GLG1: variants seen among roughly 807,000 people sequenced by gnomAD.
GLG1 encodes the protein golgi glycoprotein 1.
In GLG1, 38 loss-of-function variants were observed where a neutral mutation model predicts 160.5. The ratio of observed to expected loss-of-function variants is 0.24; its 90% CI spans 0.18 to 0.31. GLG1 has a LOEUF of 0.31. GLG1 is among the 10% of genes least tolerant of loss of function. The pLI, the probability that GLG1 is intolerant of heterozygous loss-of-function variation, is 1.00. For missense variants in GLG1, 1,373 were observed against 1,505.2 expected, an observed-to-expected ratio of 0.91 and a Z score of 1.45; for synonymous variants, 644 against 543.4, an observed-to-expected ratio of 1.19 and a Z score of -2.57.
chr16:74,495,970 G>C (rs1365480336), intron 5 of GLG1, among the ~76,000 whole-genome samples: 2 of 152,062 alleles, frequency 1.3e-5, no homozygotes, highest in Non-Finnish European at 2.9e-5. Context: ...TTAGAATAGA[G>C]TATTAAAAAA....
At chr16:74,576,605 G>A (rs1189289170) in intron 1 of GLG1, among the ~76,000 whole-genome samples, 1 of 152,138 alleles carries the variant, frequency 6.6e-6, no homozygotes, top group Non-Finnish European at 1.5e-5. Context: ...TTGTGGGGCT[G>A]GATCTGTCCC....
chr16:74,542,760 A>AGGAAGGAAGGAAGGAAGGGAAG (rs2017929404), intron 1 of GLG1, among the ~76,000 whole-genome samples: 1 of 51,522 alleles, frequency 1.9e-5, no homozygotes, highest in African/African-American at 6.3e-5. Flanking sequence ...GAAGGAAGGA[A>AGGAAGGAAGGAAGGAAGGGAAG]GGAAGGAAGG....
chr16:74,560,632 G>A (rs1016419495), intron 1 of GLG1, among the ~76,000 whole-genome samples: 10 of 152,128 alleles, frequency 6.6e-5, no homozygotes, highest in Non-Finnish European at 1.3e-4. Flanking sequence ...GAGCCACTGC[G>A]CCTAGCCCTA....
In GLG1 at chr16:74,468,853, G is replaced by A. The variant is rs190796123; in HGVS notation, c.2436+93C>T. 4.0e-5 allele frequency: 31 copies of A among 775,390 alleles called. No individual in the cohort carries two copies. The Admixed American group carries it at 4.7e-4, about 12-fold the overall frequency. The allele number at this position is 775,390 out of a possible 1,614,324, so 48.0% of individuals were successfully genotyped here. On this transcript the variant is annotated intron_variant, in intron 17 of 25. Coordinates refer to ENST00000422840, the MANE Select transcript of GLG1 (RefSeq NM_001145667.2). ...TTCAAGTCTTAACCATCACAGTAGT[G>A]GATAAAATGCCTCCCCCTTGCCCTA...
intron 18 of GLG1, among the ~76,000 whole-genome samples, chr16:74,466,775 G>C (rs2015015125): frequency 1.3e-5 from 2 of 152,196 alleles, no homozygotes; most frequent in Admixed American, 6.5e-5. Context: ...GGAGCAGAAT[G>C]GACAAAGCTG....
intron 1 of GLG1, among the ~76,000 whole-genome samples, chr16:74,592,651 C>T (rs1364868638): frequency 3.3e-5 from 5 of 152,140 alleles, no homozygotes; most frequent in Non-Finnish European, 7.3e-5. Context: ...ATTTGCCCAA[C>T]ATCATAATAA....
Position 74,508,911 on chromosome 16 carries a change from A to G in GLG1, c.486T>C (p.Tyr162=), listed in dbSNP as rs1251860077. ...TGGGATCTGTAGTTAGGTTCAGCTT[A>G]TAATTCCACAACAACTAGATAGGAG... The part of the protein sequence containing the change: ...SSDCNHLLWN[Y]KLNLTTDPKF... Residue 162 remains tyrosine (Y), a synonymous_variant, in exon 3 of 26, where the codon TAT becomes TAC. Transcript: ENST00000422840. 20 of 1,440,894 alleles carry G rather than the reference A, an allele frequency of 1.4e-5. No individual in the cohort carries two copies. The highest frequency in any genetic ancestry group is 1.9e-5 in the Non-Finnish European group (19 of 1,024,382). 89.3% of individuals were successfully genotyped at this position (1,440,894 alleles called of 1,614,324 possible). A position where few individuals can be genotyped will look rare whatever the true frequency, so the allele number is the denominator to read the frequency against.
At chr16:74,542,346 G>T (rs2017893350) in intron 1 of GLG1, among the ~76,000 whole-genome samples, 1 of 151,754 alleles carries the variant, frequency 6.6e-6, no homozygotes, top group Non-Finnish European at 1.5e-5. Flanking sequence ...TGTCAAATCA[G>T]TAGCTACTAT....
intron 25 of GLG1, among the ~76,000 whole-genome samples, chr16:74,455,893 G>A (rs780062338): frequency 7.2e-5 from 11 of 152,118 alleles, no homozygotes; most frequent in African/African-American, 9.7e-5. Context: ...CCACCAAAGC[G>A]TTATGTAAAC....
chr16:74,491,322 C>G (rs1438407293), intron 7 of GLG1, 107 bp from the exon 8 acceptor site: 1 of 803,982 alleles, frequency 1.2e-6, no homozygotes, highest in Non-Finnish European at 2.1e-6. Flanking sequence ...TACAATATAC[C>G]TATCAGACAT....
At chr16:74,469,584 T>C (rs2015123964) in intron 16 of GLG1, 1 of 194,056 alleles carries the variant, frequency 5.2e-6, no homozygotes, top group South Asian at 1.3e-4. Context: ...AAAGATTCTG[T>C]TTCTTCACTA....
At chr16:74,581,924 A>G (rs1340306507) in intron 1 of GLG1, among the ~76,000 whole-genome samples, 1 of 152,250 alleles carries the variant, frequency 6.6e-6, no homozygotes, top group Non-Finnish European at 1.5e-5. Flanking sequence ...AAACAAAACA[A>G]AACAAAACAA....
At chr16:74,480,618 G>A (rs921493014) in intron 10 of GLG1, among the ~76,000 whole-genome samples, 4 of 151,396 alleles carry the variant, frequency 2.6e-5, no homozygotes, top group African/African-American at 9.7e-5. Flanking sequence ...GTGCAGTGGT[G>A]CTATCTTGAC....
At position 74,465,788 on chromosome 16, in the gene GLG1, T is replaced by C. The variant is rs2014978550; in HGVS notation, c.2555A>G (p.Lys852Arg). 1.2e-6 allele frequency: 2 copies of C among 1,613,836 alleles called. No individual in the cohort carries two copies. Among genetic ancestry groups the C allele is most frequent in the Non-Finnish European group, 8.5e-7 (1 of 1,179,736 alleles). Residue 852 changes from lysine (K) to arginine (R), a missense_variant, in exon 19 of 26, where the codon AAG (lysine) becomes AGG (arginine). Lys to Arg is a conservative substitution (Grantham distance 26). Transcript: ENST00000422840. ...AQIIECLKEN[K>R]KQLSTRCHQK... ...GTGGCAGCGGGTGCTTAGCTGCTTC[T>C]TGTTTTCTTTCAGACATTCGATAAT...
chr16:74,599,818 C>G (rs1311161115), intron 1 of GLG1, among the ~76,000 whole-genome samples: 1 of 151,330 alleles, frequency 6.6e-6, no homozygotes, highest in Non-Finnish European at 1.5e-5. Flanking sequence ...GAGCCGAGAT[C>G]GCGCCACTGC....
chr16:74,558,636 A>G (rs1246706586), intron 1 of GLG1, among the ~76,000 whole-genome samples: 1 of 152,224 alleles, frequency 6.6e-6, no homozygotes, highest in Non-Finnish European at 1.5e-5. Context: ...AAATGTGAAG[A>G]AATCTCCAAT....
rs748929932 is a variant in GLG1, at chr16:74,477,531, G to C, written c.1830C>G (p.Leu610=). The change falls in exon 12 of 26, where the codon CTC becomes CTG. Residue 610 remains leucine (L), a splice_region_variant and synonymous_variant. Transcript: ENST00000422840. Reference sequence around the variant, plus strand: ...GGACTTCAGCTCGGCACTCCCGTGAGAGCTGCATGAGAAAAAATGAGCTAA... The same window carrying C: ...GGACTTCAGCTCGGCACTCCCGTGACAGCTGCATGAGAAAAAATGAGCTAA... ...AYRTEEQGRR[L]SRECRAEVQR... 5 of 1,610,396 alleles carry C rather than the reference G, an allele frequency of 3.1e-6. No individual in the cohort carries two copies. Among genetic ancestry groups the C allele is most frequent in the Non-Finnish European group, 2.5e-6 (3 of 1,178,140 alleles).
intron 1 of GLG1, among the ~76,000 whole-genome samples, chr16:74,580,149 CCTAAAGG>C (rs1957906069): frequency 6.6e-6 from 1 of 152,022 alleles, no homozygotes; most frequent in South Asian, 2.1e-4. Context: ...AGGCCTAAAT[CCTAAAGG>C]CTATTTATCA....
chr16:74,531,817 A>G (rs998884804), intron 2 of GLG1, among the ~76,000 whole-genome samples: 2 of 152,238 alleles, frequency 1.3e-5, no homozygotes, highest in Non-Finnish European at 1.5e-5. Flanking sequence ...TGTGATAAGT[A>G]AATGAGAAAA....
Sources: allele counts gnomAD v4.1 joint callset (sites outside exome capture counted in the v4.1 genomes callset), GRCh38; gene constraint gnomAD v4.1.1; transcripts MANE v1.5; gene names NCBI Gene and HGNC (gene_info 2026-07-23, HGNC 2026-07-21).